Variants in NRG1 observed in about 807,000 individuals in gnomAD.
NRG1 encodes the protein neuregulin 1.
NRG1 carries 18 observed loss-of-function variants against 63.8 expected under a neutral mutation model. That is an observed-to-expected ratio of 0.28 (90% CI 0.19 to 0.42). The LOEUF (loss-of-function observed/expected upper bound fraction) is 0.42, where lower values mean the gene tolerates loss of function less well. NRG1 is among the 10% of genes least tolerant of loss of function. The probability of loss-of-function intolerance (pLI) is 1.00; values close to 1 mark genes in which losing one functional copy is unlikely to be tolerated. For synonymous variants in NRG1, 302 were observed against 301.3 expected, an observed-to-expected ratio of 1.00 and a Z score of -0.02; for missense variants, 762 against 814.7, an observed-to-expected ratio of 0.94 and a Z score of 0.79.
intron 1 of NRG1, among the ~76,000 whole-genome samples, chr8:31,707,779 C>T (rs1247037946): frequency 6.6e-6 from 1 of 152,040 alleles, no homozygotes; most frequent in Non-Finnish European, 1.5e-5. Context: ...TTCTATTTTA[C>T]TCATCTTTTA....
At chr8:32,163,508 A>G (rs1360716209) in intron 1 of NRG1, among the ~76,000 whole-genome samples, 2 of 152,190 alleles carry the variant, frequency 1.3e-5, no homozygotes, top group East Asian at 3.9e-4. Context: ...TGGCAAGAAG[A>G]AAAAGAACGT....
chr8:31,796,759 A>G (rs570014145), intron 1 of NRG1, among the ~76,000 whole-genome samples: 4 of 152,066 alleles, frequency 2.6e-5, no homozygotes, highest in Middle Eastern at 3.4e-3. Flanking sequence ...GCTATTCTTA[A>G]CTGTCCTTTT....
chr8:32,162,200 A>T (rs1027936323), intron 1 of NRG1, among the ~76,000 whole-genome samples: 1 of 152,210 alleles, frequency 6.6e-6, no homozygotes, highest in Non-Finnish European at 1.5e-5. Context: ...AACTTCATAC[A>T]TCTGTCACTA....
chr8:32,093,799 G>A (rs573201837), intron 1 of NRG1, among the ~76,000 whole-genome samples: 1 of 152,326 alleles, frequency 6.6e-6, no homozygotes, highest in African/African-American at 2.4e-5. Context: ...TTAGGATGTG[G>A]AGTTGGGAAG....
intron 1 of NRG1, among the ~76,000 whole-genome samples, chr8:32,448,438 C>T (rs1038754479): frequency 1.3e-5 from 2 of 152,120 alleles, no homozygotes; most frequent in Admixed American, 1.3e-4. Context: ...TTGAATTTGA[C>T]GTTTTCATAA....
intron 6 of NRG1, among the ~76,000 whole-genome samples, chr8:32,733,773 G>A (rs1036817327): frequency 2.0e-5 from 3 of 152,122 alleles, no homozygotes; most frequent in African/African-American, 7.2e-5. Context: ...ATGCCAAATG[G>A]TACAATGCTG....
intron 1 of NRG1, among the ~76,000 whole-genome samples, chr8:31,985,827 G>A (rs955870815): frequency 6.6e-6 from 1 of 152,024 alleles, no homozygotes; most frequent in East Asian, 1.9e-4. Flanking sequence ...TCCGTTCTTA[G>A]GGGCTGTACT....
At chr8:32,662,571 A>C (rs936676650) in intron 5 of NRG1, among the ~76,000 whole-genome samples, 2 of 152,172 alleles carry the variant, frequency 1.3e-5, no homozygotes, top group Non-Finnish European at 2.9e-5. Context: ...GAAGGATCCC[A>C]AGATCCCGGT....
At position 32,187,986 on chromosome 8, in the gene NRG1, C is replaced by T. The variant is rs369903428; in HGVS notation, c.38-407842C>T. ...TAAAATACATCTCTGAAGGTCGACA[C>T]TCTCAGGGAAGAGCAAGAAATGACT... On this transcript the variant is annotated intron_variant, in intron 1 of 10. Coordinates refer to the NRG1 transcript ENST00000519301. Among the ~76,000 whole-genome samples the T allele has an allele frequency of 3.3e-5, 5 of 152,136 alleles. No individual in the cohort carries two copies. The East Asian group carries it at 9.6e-4, about 29-fold the overall frequency.
chr8:32,093,245 AG>A (rs1246666377), intron 1 of NRG1, among the ~76,000 whole-genome samples: 1 of 152,156 alleles, frequency 6.6e-6, no homozygotes, highest in Non-Finnish European at 1.5e-5. Flanking sequence ...AGGGCTATGC[AG>A]GATGTGCATA....
At chr8:31,644,450 T>C (rs1309545923) in intron 1 of NRG1, among the ~76,000 whole-genome samples, 1 of 152,192 alleles carries the variant, frequency 6.6e-6, no homozygotes, top group African/African-American at 2.4e-5. Flanking sequence ...AATATTTCAC[T>C]AGCACTAGGG....
At chr8:32,066,165 T>C (rs1335005674) in intron 1 of NRG1, among the ~76,000 whole-genome samples, 1 of 152,256 alleles carries the variant, frequency 6.6e-6, no homozygotes, top group African/African-American at 2.4e-5. Context: ...TAGTTTCTTT[T>C]GCTGTGCAGA....
At chr8:32,724,299 A>G (rs535031607) in intron 5 of NRG1, among the ~76,000 whole-genome samples, 1 of 152,230 alleles carries the variant, frequency 6.6e-6, no homozygotes, top group Non-Finnish European at 1.5e-5. Flanking sequence ...AGTGAGATCC[A>G]GTTCACCTCC....
At chr8:32,070,754 G>C (rs11995481) in intron 1 of NRG1, among the ~76,000 whole-genome samples, 89,754 of 152,100 alleles carry the variant, frequency 0.59, 28,599 homozygotes, top group Non-Finnish European at 0.71. Flanking sequence ...AGGCAGCAGA[G>C]TGTATTTTTT....
At chr8:31,673,992 A>C (rs942282865) in intron 1 of NRG1, among the ~76,000 whole-genome samples, 1 of 152,186 alleles carries the variant, frequency 6.6e-6, no homozygotes, top group Non-Finnish European at 1.5e-5. Flanking sequence ...TTTACTTCTT[A>C]TCTCTATAGA....
intron 1 of NRG1, among the ~76,000 whole-genome samples, chr8:31,934,973 G>T (rs1835180993): frequency 6.6e-6 from 1 of 152,022 alleles, no homozygotes; most frequent in Non-Finnish European, 1.5e-5. Context: ...TAGAGTCAGG[G>T]TATTGCTCTG....
rs16878344 is a variant in NRG1, at chr8:31,844,807, C to T, written c.37+205376C>T. On this transcript the variant is annotated intron_variant, in intron 1 of 10. Coordinates refer to the NRG1 transcript ENST00000519301. ...TTGGTGAATTTTTTTTTTTCCTTTT[C>T]CTTTTCCAAAGGGAATTAAAAAAAA... is the stretch of plus-strand genomic sequence containing the variant. Among the ~76,000 whole-genome samples the T allele has an allele frequency of 9.2e-3, 1,379 of 150,532 alleles. 21 individuals carry two copies. The highest frequency in any genetic ancestry group is 0.032 in the African/African-American group (1,302 of 41,036).
At chr8:32,349,153 C>T (rs538197077) in intron 1 of NRG1, among the ~76,000 whole-genome samples, 6 of 152,262 alleles carry the variant, frequency 3.9e-5, no homozygotes, top group African/African-American at 1.4e-4. Flanking sequence ...TCTGTCAAGA[C>T]ACCTTAGTGC....
At chr8:32,656,321 GA>G (rs572667655) in intron 5 of NRG1, among the ~76,000 whole-genome samples, 4 of 151,662 alleles carry the variant, frequency 2.6e-5, no homozygotes, top group African/African-American at 7.2e-5. Flanking sequence ...GAGTAAAAGA[GA>G]AAAAAAAGTG....
Sources: gnomAD v4.1 joint callset for allele counts (sites outside exome capture counted in the v4.1 genomes callset) on GRCh38, gnomAD v4.1.1 for gene constraint, MANE v1.5 for transcripts, NCBI Gene and HGNC (gene_info 2026-07-23, HGNC 2026-07-21) for gene names.